The following HRH1 variants were observed in gnomAD, a reference collection of about 807,000 sequenced individuals.
The protein encoded by HRH1 is histamine H1 receptor.
In HRH1, 6 loss-of-function variants were observed where a neutral mutation model predicts 10.3. The observed-to-expected ratio is 0.58, with a 90% CI of 0.32 to 1.15. HRH1 has a LOEUF of 1.15. Ranked by LOEUF, HRH1 falls within the 50% of genes most tolerant of loss-of-function variation. HRH1 has a pLI of 0.05. For synonymous variants in HRH1, 242 were observed against 236.7 expected, an observed-to-expected ratio of 1.02 and a Z score of -0.21; for missense variants, 514 against 615.3, an observed-to-expected ratio of 0.84 and a Z score of 1.74.
chr3:11,234,570 G>T (rs1028586945), intron 1 of HRH1: 3 of 1,443,774 alleles, frequency 2.1e-6, no homozygotes, highest in Non-Finnish European at 2.9e-6. Flanking sequence ...CATGCTCCTC[G>T]TATGGATCGT....
chr3:11,242,051 T>TA (rs1367455514), intron 1 of HRH1, among the ~76,000 whole-genome samples: 1 of 151,922 alleles, frequency 6.6e-6, no homozygotes, highest in Admixed American at 6.6e-5. Context: ...AGGGGACAAA[T>TA]ACGGGAATAA....
At chr3:11,223,279 G>A (rs1343250736) in intron 1 of HRH1, among the ~76,000 whole-genome samples, 3 of 148,592 alleles carry the variant, frequency 2.0e-5, no homozygotes, top group Admixed American at 6.8e-5. Flanking sequence ...GGACCACAAG[G>A]TTAGGAGATC....
chr3:11,234,518 C>T, intron 1 of HRH1: 2 of 1,422,756 alleles, frequency 1.4e-6, no homozygotes, highest in Non-Finnish European at 2.0e-6. Flanking sequence ...TCCCCCAAGG[C>T]ATGGACGGTT....
intron 1 of HRH1, among the ~76,000 whole-genome samples, chr3:11,198,763 G>T: frequency 6.6e-6 from 1 of 151,100 alleles, no homozygotes; most frequent in East Asian, 1.9e-4. Flanking sequence ...TGGGCGGACT[G>T]TTTGAGCTGA....
At chr3:11,142,764 A>C (rs1250360925) in intron 1 of HRH1, among the ~76,000 whole-genome samples, 1 of 152,154 alleles carries the variant, frequency 6.6e-6, no homozygotes, top group Non-Finnish European at 1.5e-5. Context: ...AATACAAAAA[A>C]TTAGCTGAGC....
At chr3:11,203,706 C>T (rs1169338774) in intron 1 of HRH1, among the ~76,000 whole-genome samples, 2 of 152,254 alleles carry the variant, frequency 1.3e-5, no homozygotes, top group South Asian at 4.1e-4. Context: ...TGTTCCATTA[C>T]TCTGTTTATT....
chr3:11,164,562 C>T (rs747145606), intron 1 of HRH1, among the ~76,000 whole-genome samples: 28 of 148,720 alleles, frequency 1.9e-4, no homozygotes, highest in Non-Finnish European at 3.7e-4. Context: ...ATCTTGCACA[C>T]AAAGATATTT....
chr3:11,184,707 G>C (rs1044912955), intron 1 of HRH1, among the ~76,000 whole-genome samples: 1 of 152,046 alleles, frequency 6.6e-6, no homozygotes, highest in African/African-American at 2.4e-5. Context: ...CCTGAGGTCA[G>C]GAGTTCAAGA....
At chr3:11,231,860 T>C (rs770702991) in intron 1 of HRH1, among the ~76,000 whole-genome samples, 5 of 152,238 alleles carry the variant, frequency 3.3e-5, no homozygotes, top group Non-Finnish European at 7.3e-5. Flanking sequence ...TTTCTTTTTA[T>C]GGATCATGTT....
At chr3:11,234,137 T>C in intron 1 of HRH1, 1 of 655,752 alleles carries the variant, frequency 1.5e-6, no homozygotes, top group South Asian at 2.1e-5. Flanking sequence ...AGTTATTTTG[T>C]ATATTACAGT....
chr3:11,151,385 A>G (rs1369148500), upstream of HRH1, among the ~76,000 whole-genome samples: 1 of 152,218 alleles, frequency 6.6e-6, no homozygotes, highest in African/African-American at 2.4e-5. Flanking sequence ...AAGCATCTGA[A>G]TCCAGGCCTA....
At chr3:11,148,140 A>G (rs1449680345) in intron 1 of HRH1, among the ~76,000 whole-genome samples, 2 of 150,848 alleles carry the variant, frequency 1.3e-5, no homozygotes, top group African/African-American at 2.4e-5. Flanking sequence ...AGATTGTGCC[A>G]CTGCACTCCG....
intron 1 of HRH1, among the ~76,000 whole-genome samples, chr3:11,258,471 A>G (rs1939843277): frequency 6.6e-6 from 1 of 152,170 alleles, no homozygotes; most frequent in African/African-American, 2.4e-5. Flanking sequence ...GCAAGTGAGC[A>G]ACAACAATTT....
chr3:11,207,590 C>T (rs1252990232), intron 1 of HRH1, among the ~76,000 whole-genome samples: 2 of 151,972 alleles, frequency 1.3e-5, no homozygotes, highest in Non-Finnish European at 2.9e-5. Flanking sequence ...AGAAAGAGGC[C>T]GACCTGAACT....
chr3:11,234,921 C>A (rs527896444), intron 1 of HRH1, among the ~76,000 whole-genome samples: 1 of 152,124 alleles, frequency 6.6e-6, no homozygotes, highest in East Asian at 1.9e-4. Flanking sequence ...ATGATGATTA[C>A]TTTAAATGTT....
At chr3:11,230,875 T>C (rs1047406391) in intron 1 of HRH1, among the ~76,000 whole-genome samples, 1 of 152,172 alleles carries the variant, frequency 6.6e-6, no homozygotes, top group African/African-American at 2.4e-5. Flanking sequence ...TTTACTCAAT[T>C]TCCTCCAGTG....
At chr3:11,149,780 T>C (rs1053245050), upstream of HRH1, among the ~76,000 whole-genome samples, 2 of 152,244 alleles carry the variant, frequency 1.3e-5, no homozygotes, top group Non-Finnish European at 1.5e-5. Context: ...ACAGCGTATA[T>C]GAACGTTCAC....
In HRH1 at chr3:11,259,995, G is replaced by C. The variant is rs1939899983; in HGVS notation, c.958G>C (p.Asp320His). ...MQAAAEGSSRDYVAVNRSHGQ... is the reference protein window; with the variant it reads ...MQAAAEGSSRHYVAVNRSHGQ... ...GGCTGCGGCAGAGGGGAGTAGCAGG[G>C]ACTATGTAGCCGTCAACCGGAGCCA... The change falls in exon 2 of 2, where the codon GAC becomes CAC. Residue 320 changes from aspartate to histidine, a missense_variant. Asp to His is a moderately conservative substitution (Grantham distance 81, BLOSUM62 -1). Transcript: ENST00000431010. The surrounding 1 kb of genome is among the most constrained non-coding windows in gnomAD (Gnocchi z 4.6). 6.2e-7 allele frequency: 1 copy of C among 1,614,032 alleles called. No homozygotes were observed. The highest frequency in any genetic ancestry group is 1.3e-5 in the African/African-American group (1 of 74,914).
chr3:11,224,435 C>T (rs367683223), intron 1 of HRH1, among the ~76,000 whole-genome samples: 214 of 152,302 alleles, frequency 1.4e-3, no homozygotes, highest in Middle Eastern at 0.01. Flanking sequence ...CGGTGGCTCA[C>T]GCCTGTAATC....
Sources: gnomAD v4.1 joint callset for allele counts (sites outside exome capture counted in the v4.1 genomes callset) on GRCh38, gnomAD v4.1.1 for gene constraint, Gnocchi (gnomAD v3.1) non-coding constraint, MANE v1.5 for transcripts, NCBI Gene and HGNC (gene_info 2026-07-23, HGNC 2026-07-21) for gene names.